Variants in PCDHGA9 observed in about 807,000 individuals in gnomAD.
The protein encoded by PCDHGA9 is protocadherin gamma-A9.
A neutral mutation model predicts 62.5 loss-of-function variants in PCDHGA9; 37 were observed. That is an observed-to-expected ratio of 0.59 (90% confidence interval 0.46 to 0.78). The LOEUF is 0.78. PCDHGA9 is among the 30% of genes least tolerant of loss of function. PCDHGA9 has a pLI of 0.00. For missense variants in PCDHGA9, 1,138 were observed against 1,166.2 expected, an observed-to-expected ratio of 0.98 and a Z score of 0.35; for synonymous variants, 459 against 484.6, an observed-to-expected ratio of 0.95 and a Z score of 0.69.
intron 1 of PCDHGA9, among the ~76,000 whole-genome samples, chr5:141,437,490 A>C (rs549866784): frequency 6.6e-6 from 1 of 152,190 alleles, no homozygotes; most frequent in African/African-American, 2.4e-5. Flanking sequence ...AATCTCGTAG[A>C]TCACTTTTCA....
chr5:141,440,481 T>C (rs1451820594), intron 1 of PCDHGA9: 1 of 152,196 alleles, frequency 6.6e-6, no homozygotes, highest in African/African-American at 2.4e-5. Context: ...GAAAATTCTT[T>C]AAATGTTTTT....
At chr5:141,430,817 C>T (rs200369093) in intron 1 of PCDHGA9, 2 of 1,539,796 alleles carry the variant, frequency 1.3e-6, no homozygotes, top group Non-Finnish European at 1.7e-6. Flanking sequence ...GGGAATCCTC[C>T]TGGGGACTCT....
intron 1 of PCDHGA9, chr5:141,421,232 C>G (rs748347420): frequency 1.3e-6 from 2 of 1,590,370 alleles, no homozygotes; most frequent in Non-Finnish European, 1.7e-6. Context: ...CCTGCCATGG[C>G]GAATCGGCTA....
intron 1 of PCDHGA9, among the ~76,000 whole-genome samples, chr5:141,439,224 T>C (rs989512996): frequency 2.2e-4 from 33 of 152,030 alleles, no homozygotes; most frequent in Middle Eastern, 3.4e-3. Context: ...TGAAAATTCT[T>C]AGAAGCTTCC....
chr5:141,469,618 T>C (rs1284372508), intron 1 of PCDHGA9, among the ~76,000 whole-genome samples: 1 of 152,148 alleles, frequency 6.6e-6, no homozygotes, highest in Non-Finnish European at 1.5e-5. Context: ...ATAAAATAAA[T>C]GTTTGTAGTT....
At chr5:141,478,496 C>G in intron 1 of PCDHGA9, 1 of 1,613,014 alleles carries the variant, frequency 6.2e-7, no homozygotes, top group Non-Finnish European at 8.5e-7. Flanking sequence ...GAGCTGTGAT[C>G]CGGTGTTCTA....
chr5:141,455,725 C>T (rs1001661569), intron 1 of PCDHGA9, among the ~76,000 whole-genome samples: 4 of 152,136 alleles, frequency 2.6e-5, no homozygotes, highest in South Asian at 2.1e-4. Context: ...TAATGGCCTG[C>T]ATTTGCATAT....
intron 1 of PCDHGA9, among the ~76,000 whole-genome samples, chr5:141,475,518 T>C (rs963473660): frequency 1.3e-5 from 2 of 152,356 alleles, no homozygotes; most frequent in East Asian, 1.9e-4. Flanking sequence ...TCCACGGAAA[T>C]GCTAAATGCC....
intron 1 of PCDHGA9, among the ~76,000 whole-genome samples, chr5:141,455,322 G>A (rs376682363): frequency 1.3e-5 from 2 of 152,134 alleles, no homozygotes; most frequent in East Asian, 3.9e-4. Context: ...TTTTGTGTGT[G>A]TGTTTGTGGT....
rs376996144 is a variant in PCDHGA9, at chr5:141,491,534, G to C, written c.2425-3273G>C. 3.7e-6 allele frequency: 6 copies of C among 1,613,912 alleles called. No homozygotes were observed. The highest frequency in any genetic ancestry group is 1.3e-5 in the African/African-American group (1 of 74,928). ...CTCAAGTACATGGAGGTGACGCTGC[G>C]GCCCACAGACTCGCAGAGCCACTGC... On this transcript the variant is annotated intron_variant, in intron 1 of 3. Coordinates refer to ENST00000573521, the MANE Select transcript of PCDHGA9 (RefSeq NM_018921.3). This position sits in a 1 kb window ranked among gnomAD's most constrained non-coding sequence, Gnocchi z 6.9.
chr5:141,450,826 A>ATTTTT (rs764729742), intron 1 of PCDHGA9, among the ~76,000 whole-genome samples: 2 of 134,302 alleles, frequency 1.5e-5, no homozygotes, highest in African/African-American at 2.9e-5. Flanking sequence ...TATTATTATT[A>ATTTTT]TTATTTTTTT....
At chr5:141,504,269 A>T (rs7715517) in intron 2 of PCDHGA9, among the ~76,000 whole-genome samples, 3,100 of 152,246 alleles carry the variant, frequency 0.02, 113 homozygotes, top group African/African-American at 0.07. Context: ...GTATTTTTTT[A>T]AATTATGAAT....
intron 1 of PCDHGA9, chr5:141,415,477 C>A (rs2095874299): frequency 1.9e-6 from 3 of 1,614,184 alleles, no homozygotes; most frequent in Non-Finnish European, 2.5e-6. Flanking sequence ...CGCGGACTCG[C>A]GAAAGAGTCA....
rs1275109387 is a variant in PCDHGA9 at position 141,431,924 on chromosome 5, A to G, written c.2424+26548A>G. The G allele has an allele frequency of 1.1e-5, 17 of 1,614,050 alleles. No homozygotes were observed. Among genetic ancestry groups the G allele is most frequent in the Non-Finnish European group, 1.4e-5 (17 of 1,179,982 alleles). On this transcript the variant is annotated intron_variant, in intron 1 of 3. Coordinates refer to ENST00000573521, the MANE Select transcript of PCDHGA9 (RefSeq NM_018921.3). The surrounding 1 kb of genome is among the most constrained non-coding windows in gnomAD (Gnocchi z 4.8). ...ACAGGTGATCTGTTTCATCCAAGGA[A>G]ATCTGCCCTTTAAATTAGAAAAATC... is the stretch of plus-strand genomic sequence containing the variant.
At chr5:141,494,654 G>A in intron 1 of PCDHGA9, 153 bp from the exon 2 acceptor site, 1 of 966,640 alleles carries the variant, frequency 1.0e-6, no homozygotes, top group South Asian at 4.8e-5. Context: ...GGTGTATTTT[G>A]TCTTTGGAGA....
Position 141,410,070 on chromosome 5 carries a change from C to A in PCDHGA9, c.2424+4694C>A, listed in dbSNP as rs1368179504. On this transcript the variant is annotated intron_variant, in intron 1 of 3. Transcript: ENST00000573521. ...GGACTCTTCAGCCTGGGGCTGCGCA[C>A]TGGGGAGGTGCGCACGGCTCGAGCC... 6.2e-7 allele frequency: 1 copy of A among 1,612,806 alleles called. No homozygotes were observed. The highest frequency in any genetic ancestry group is 1.3e-5 in the African/African-American group (1 of 74,938).
chr5:141,422,577 T>G, intron 1 of PCDHGA9: 1 of 1,613,848 alleles, frequency 6.2e-7, no homozygotes, highest in Non-Finnish European at 8.5e-7. Context: ...ACGATAACCC[T>G]CCCGTTTTTC....
intron 1 of PCDHGA9, chr5:141,414,893 C>T: frequency 6.2e-7 from 1 of 1,614,248 alleles, no homozygotes; most frequent in Non-Finnish European, 8.5e-7. Context: ...GCCCTCCCCA[C>T]AGACGGTTCC....
chr5:141,454,842 C>T lies in PCDHGA9; in HGVS notation c.2425-39965C>T, dbSNP rs543795114. 1.2e-4 allele frequency among the ~76,000 whole-genome samples: 12 copies of T among 101,680 alleles called. No homozygotes were observed. The East Asian group carries it at 3.9e-3, about 33-fold the overall frequency. 66.7% of individuals were successfully genotyped at this position (101,680 alleles called of 152,430 possible). ...TTTTTTTTTGAGACAGAGTCGCGCTCTGTCACCCAGGCTGGAGTGCAGTGG... is the reference window on the plus strand; with the variant it reads ...TTTTTTTTTGAGACAGAGTCGCGCTTTGTCACCCAGGCTGGAGTGCAGTGG... On this transcript the variant is annotated intron_variant, in intron 1 of 3. Coordinates refer to ENST00000573521, the MANE Select transcript of PCDHGA9 (RefSeq NM_018921.3).
Sources: gnomAD v4.1 joint callset for allele counts (sites outside exome capture counted in the v4.1 genomes callset) on GRCh38, gnomAD v4.1.1 for gene constraint, Gnocchi (gnomAD v3.1) non-coding constraint, MANE v1.5 for transcripts, NCBI Gene and HGNC (gene_info 2026-07-23, HGNC 2026-07-21) for gene names.